ERG: variants seen among roughly 807,000 people sequenced by gnomAD.
ERG encodes ETS transcription factor ERG.
ERG carries 9 observed loss-of-function variants against 55.3 expected under a neutral mutation model. The ratio of observed to expected loss-of-function variants is 0.16; its 90% confidence interval spans 0.10 to 0.28. The LOEUF is 0.28. Among genes scored for constraint, ERG ranks in the 10% least tolerant of loss-of-function variants. The pLI is 1.00. For missense variants in ERG, 434 were observed against 631.6 expected, an observed-to-expected ratio of 0.69 and a Z score of 3.35; for synonymous variants, 223 against 237.3, an observed-to-expected ratio of 0.94 and a Z score of 0.55.
chr21:38,468,982 CAAAAA>C (rs1261630693), intron 1 of ERG, among the ~76,000 whole-genome samples: 1 of 29,048 alleles, frequency 3.4e-5, no homozygotes, highest in Admixed American at 4.0e-4. Context: ...GACTCTGTCT[CAAAAA>C]AAAAAAAAAA....
At chr21:38,578,302 T>C (rs1170635860) in intron 1 of ERG, among the ~76,000 whole-genome samples, 1 of 152,224 alleles carries the variant, frequency 6.6e-6, no homozygotes, top group Non-Finnish European at 1.5e-5. Context: ...GTAAGTGCTC[T>C]AGAGGCACGG....
intron 2 of ERG, among the ~76,000 whole-genome samples, chr21:38,427,092 G>A (rs73213846): frequency 0.22 from 33,814 of 151,914 alleles, 3,901 homozygotes; most frequent in South Asian, 0.29. Flanking sequence ...CATTAAAGTA[G>A]ATCCTTCAGG....
At chr21:38,410,806 G>C (rs891701751) in intron 3 of ERG, among the ~76,000 whole-genome samples, 1 of 152,030 alleles carries the variant, frequency 6.6e-6, no homozygotes, top group Non-Finnish European at 1.5e-5. Context: ...AATAAAGTAA[G>C]ATTAAATAAA....
At chr21:38,462,291 GT>G (rs1165024748) in intron 1 of ERG, among the ~76,000 whole-genome samples, 5 of 152,058 alleles carry the variant, frequency 3.3e-5, no homozygotes. Flanking sequence ...CCTTGTTATT[GT>G]TATTTTTAAA....
chr21:38,631,647 T>C (rs1303820945), intron 1 of ERG, among the ~76,000 whole-genome samples: 1 of 152,172 alleles, frequency 6.6e-6, no homozygotes. Context: ...CATCTCTGCA[T>C]TACTGTGTGC....
chr21:38,491,059 C>CT (rs201464740), intron 1 of ERG, among the ~76,000 whole-genome samples: 8 of 151,730 alleles, frequency 5.3e-5, no homozygotes, highest in East Asian at 3.9e-4. Flanking sequence ...AAACCACATA[C>CT]TTTTTTTTTC....
intron 1 of ERG, among the ~76,000 whole-genome samples, chr21:38,450,082 G>C (rs2058926682): frequency 6.6e-6 from 1 of 150,896 alleles, no homozygotes; most frequent in Non-Finnish European, 1.5e-5. Context: ...GTATGATCAT[G>C]ATCATGCTTA....
chr21:38,445,718 AT>A, intron 1 of ERG, 97 bp from the exon 2 acceptor site: 1 of 901,220 alleles, frequency 1.1e-6, no homozygotes, highest in Non-Finnish European at 1.8e-6. Context: ...CTGGGACCAC[AT>A]TTTAGATCGT....
intron 2 of ERG, among the ~76,000 whole-genome samples, chr21:38,563,235 T>C (rs2059903502): frequency 1.3e-5 from 2 of 152,192 alleles, no homozygotes; most frequent in African/African-American, 2.4e-5. Context: ...CCACAGAACA[T>C]ATAACACCAA....
rs530455876 is a variant in ERG, at chr21:38,661,387, C to T, written c.-150+271G>A. The stretch of plus-strand genomic sequence containing the variant: ...AGAACTGGGACGACGTCGCGCAGAG[C>T]GTCCGGAGGGAGAGGCGCGGTGCCC... On this transcript the variant is annotated intron_variant, in intron 1 of 10. Coordinates refer to the ERG transcript ENST00000398910. Among the ~76,000 whole-genome samples, 6 of 152,312 alleles carry T rather than the reference C, an allele frequency of 3.9e-5. No individual in the cohort carries two copies. The South Asian group carries it at 1.2e-3, about 32-fold the overall frequency.
intron 1 of ERG, among the ~76,000 whole-genome samples, chr21:38,456,815 T>C (rs1405506504): frequency 1.3e-5 from 2 of 152,176 alleles, no homozygotes; most frequent in Non-Finnish European, 2.9e-5. Flanking sequence ...TTCCAGCACA[T>C]AAATATATCC....
At chr21:38,517,129 C>T (rs2059557858) in intron 2 of ERG, among the ~76,000 whole-genome samples, 1 of 151,920 alleles carries the variant, frequency 6.6e-6, no homozygotes, top group Non-Finnish European at 1.5e-5. Flanking sequence ...TAAACTAAAA[C>T]ACTTCTGCAC....
chr21:38,389,779 G>C (rs1052731730), intron 9 of ERG, among the ~76,000 whole-genome samples: 10 of 152,038 alleles, frequency 6.6e-5, no homozygotes, highest in African/African-American at 2.4e-4. Context: ...ATTCATGTAT[G>C]CAACAAATAA....
chr21:38,382,704 CCT>C lies in ERG; in HGVS notation c.*697_*698del, dbSNP rs796903641. 5.5e-5 allele frequency: 59 copies of C among 1,066,936 alleles called. No individual in the cohort carries two copies. In the African/African-American group the frequency reaches 7.7e-4, roughly 14 times the overall value. 66.1% of individuals were successfully genotyped at this position (1,066,936 alleles called of 1,614,324 possible). On this transcript the variant is annotated 3_prime_UTR_variant, in exon 10 of 10. Coordinates refer to ENST00000288319, the MANE Select transcript of ERG (RefSeq NM_182918.4). ...TGCCTCTTCCTCCTCCTTCTTCACC[CCT>C]CTGTCTACAATCACACGCTCACTCT...
intron 1 of ERG, among the ~76,000 whole-genome samples, chr21:38,494,398 G>T (rs567405906): frequency 1.4e-4 from 22 of 152,278 alleles, no homozygotes; most frequent in African/African-American, 5.3e-4. Context: ...CCCTTACTCT[G>T]TGATTCTCTT....
At chr21:38,424,542 G>A (rs1258188300) in intron 2 of ERG, among the ~76,000 whole-genome samples, 1 of 152,172 alleles carries the variant, frequency 6.6e-6, no homozygotes, top group African/African-American at 2.4e-5. Flanking sequence ...ACTGATTGGG[G>A]ACACTTGCAG....
At chr21:38,618,557 G>C (rs952866709) in intron 1 of ERG, among the ~76,000 whole-genome samples, 1 of 152,140 alleles carries the variant, frequency 6.6e-6, no homozygotes, top group African/African-American at 2.4e-5. Flanking sequence ...GGGAGGTTGG[G>C]GGGGAACAAC....
At chr21:38,428,852 A>G (rs1989967991) in intron 2 of ERG, among the ~76,000 whole-genome samples, 1 of 152,184 alleles carries the variant, frequency 6.6e-6, no homozygotes, top group Non-Finnish European at 1.5e-5. Flanking sequence ...TATTGCTCTC[A>G]CAGACTCCTT....
chr21:38,382,410 TC>T lies in ERG; in HGVS notation c.*992del, dbSNP rs1987487671. The T allele has an allele frequency of 9.4e-7, 1 of 1,060,878 alleles. No homozygotes were observed. Among genetic ancestry groups the T allele is most frequent in the African/African-American group, 1.6e-5 (1 of 60,802 alleles). The allele number at this position is 1,060,878 out of a possible 1,614,324, so 65.7% of individuals were successfully genotyped here. The stretch of plus-strand genomic sequence containing the variant: ...ACAAAGCCCCCACATAATGATGAGG[TC>T]CTGAATGTTTCTCTTAAATATCAGA... On this transcript the variant is annotated 3_prime_UTR_variant, in exon 10 of 10. Coordinates refer to ENST00000288319, the MANE Select transcript of ERG (RefSeq NM_182918.4).
Sources: allele counts gnomAD v4.1 joint callset (sites outside exome capture counted in the v4.1 genomes callset), GRCh38; gene constraint gnomAD v4.1.1; transcripts MANE v1.5; gene names NCBI Gene and HGNC (gene_info 2026-07-23, HGNC 2026-07-21).